The following KLHL32 variants were observed in gnomAD, a reference collection of about 807,000 sequenced individuals.
KLHL32 encodes kelch like family member 32, also known as kelch-like protein 32.
In KLHL32, 35 loss-of-function variants were observed where a neutral mutation model predicts 64.8. The observed-to-expected ratio is 0.54, with a 90% CI of 0.41 to 0.72. The LOEUF is 0.72. KLHL32 is among the 30% of genes least tolerant of loss of function. The pLI, the probability that KLHL32 is intolerant of heterozygous loss-of-function variation, is 0.00. For synonymous variants in KLHL32, 259 were observed against 281.0 expected (o/e 0.92, Z 0.78); for missense variants, 589 against 768.5 (o/e 0.77, Z 2.76).
chr6:96,945,193 T>G (rs1004997798), intron 1 of KLHL32, among the ~76,000 whole-genome samples: 2 of 152,280 alleles, frequency 1.3e-5, no homozygotes, highest in African/African-American at 2.4e-5. Context: ...CATCATCATT[T>G]AATCCTAGCA....
chr6:96,906,853 A>T, the KLHL32 span, among the ~76,000 whole-genome samples: 2 of 152,168 alleles, frequency 1.3e-5, no homozygotes, highest in Non-Finnish European at 2.9e-5. Flanking sequence ...AATCTTGTTC[A>T]CTTAGAGGTT....
In KLHL32 at chr6:97,112,449, AT is replaced by A. The variant is rs879677069; in HGVS notation, c.628-1322del. Among the ~76,000 whole-genome samples the A allele has an allele frequency of 2.2e-3, 322 of 145,850 alleles. 1 individual carries two copies. The highest frequency in any genetic ancestry group is 5.0e-3 in the African/African-American group (199 of 40,066). ...ATGAATTGTGGTTTTTTCATTGATG[AT>A]TTTTTTTTTTTCCTGAGATGGAGTC... On this transcript the variant is annotated intron_variant, in intron 6 of 10. Transcript: ENST00000369261.
At chr6:97,025,785 C>T (rs552144503) in intron 3 of KLHL32, among the ~76,000 whole-genome samples, 12 of 152,178 alleles carry the variant, frequency 7.9e-5, no homozygotes, top group Non-Finnish European at 1.3e-4. Context: ...CTTAATTTCA[C>T]TGGGTCTCAT....
intron 3 of KLHL32, among the ~76,000 whole-genome samples, chr6:96,984,567 G>T (rs1244598090): frequency 6.6e-6 from 1 of 152,102 alleles, no homozygotes; most frequent in African/African-American, 2.4e-5. Context: ...CTCCTGTATT[G>T]GGTGCATATA....
chr6:97,039,479 G>C (rs1367762440), intron 3 of KLHL32, among the ~76,000 whole-genome samples: 3 of 152,088 alleles, frequency 2.0e-5, no homozygotes, highest in African/African-American at 7.2e-5. Flanking sequence ...GCTAGTGTTA[G>C]ATCAGTAGAG....
At chr6:97,029,117 A>G (rs1281813700) in intron 3 of KLHL32, among the ~76,000 whole-genome samples, 4 of 152,218 alleles carry the variant, frequency 2.6e-5, no homozygotes, top group South Asian at 2.1e-4. Flanking sequence ...CTAAGAAACA[A>G]CTTGATTTGT....
chr6:97,066,156 T>C (rs1789709199), intron 5 of KLHL32, among the ~76,000 whole-genome samples: 1 of 152,238 alleles, frequency 6.6e-6, no homozygotes, highest in African/African-American at 2.4e-5. Flanking sequence ...TATTTGACAT[T>C]TCTACATCAA....
intron 3 of KLHL32, among the ~76,000 whole-genome samples, chr6:96,996,629 A>G (rs1778448415): frequency 6.6e-6 from 1 of 152,188 alleles, no homozygotes; most frequent in Non-Finnish European, 1.5e-5. Context: ...TAATTGGTAT[A>G]CCAGTTTTGG....
At position 97,111,035 on chromosome 6, in the gene KLHL32, G is replaced by GT. The variant is rs200032019; in HGVS notation, c.628-2748_628-2747insT. Among the ~76,000 whole-genome samples, 720 of 151,824 alleles carry GT rather than the reference G, an allele frequency of 4.7e-3. 7 individuals are homozygous for GT. Among genetic ancestry groups the GT allele is most frequent in the African/African-American group, 0.017 (699 of 41,130 alleles). On this transcript the variant is annotated intron_variant, in intron 6 of 10. Coordinates refer to ENST00000369261, the MANE Select transcript of KLHL32 (RefSeq NM_052904.4). ...AAGATACCACAGAAAAGTCTTGGGG[G>GT]GGGGGGGTCTTAGCCAACCACCTGT...
At chr6:97,036,077 A>G (rs544622518) in intron 3 of KLHL32, among the ~76,000 whole-genome samples, 15 of 152,086 alleles carry the variant, frequency 9.9e-5, no homozygotes, top group African/African-American at 3.1e-4. Flanking sequence ...CCAGTATTCA[A>G]GTTTACTAAT....
intron 7 of KLHL32, among the ~76,000 whole-genome samples, chr6:97,124,094 T>A (rs1176399200): frequency 1.3e-5 from 2 of 152,224 alleles, no homozygotes; most frequent in East Asian, 1.9e-4. Flanking sequence ...GATGCTTTTT[T>A]AAAATGTATC....
At chr6:96,930,705 C>T (rs747282817) in intron 1 of KLHL32, among the ~76,000 whole-genome samples, 1 of 152,014 alleles carries the variant, frequency 6.6e-6, no homozygotes, top group Non-Finnish European at 1.5e-5. Context: ...TGATGCAGTA[C>T]GCTGCTTAGA....
At chr6:97,017,854 G>A (rs1562247407) in intron 3 of KLHL32, among the ~76,000 whole-genome samples, 1 of 152,134 alleles carries the variant, frequency 6.6e-6, no homozygotes, top group Non-Finnish European at 1.5e-5. Context: ...CAGATGGAAT[G>A]GCAGCAGAGG....
chr6:96,930,951 A>G (rs1769801391), intron 1 of KLHL32, among the ~76,000 whole-genome samples: 1 of 152,128 alleles, frequency 6.6e-6, no homozygotes, highest in Admixed American at 6.5e-5. Context: ...TTCTCTGTAG[A>G]ATTAATAGTG....
chr6:96,952,846 G>A (rs1055502695), intron 1 of KLHL32, among the ~76,000 whole-genome samples: 1 of 152,128 alleles, frequency 6.6e-6, no homozygotes, highest in African/African-American at 2.4e-5. Flanking sequence ...GTATTCTGGT[G>A]ACCAATTGAC....
intron 4 of KLHL32, among the ~76,000 whole-genome samples, chr6:97,059,632 CT>C (rs1005040212): frequency 1.7e-3 from 265 of 152,200 alleles, no homozygotes; most frequent in African/African-American, 6.2e-3. Context: ...AATTCTTTTC[CT>C]TTAAATGGCT....
intron 6 of KLHL32, among the ~76,000 whole-genome samples, chr6:97,110,804 G>A (rs918561154): frequency 1.3e-5 from 2 of 152,212 alleles, no homozygotes; most frequent in East Asian, 1.9e-4. Context: ...TGGCTATTTC[G>A]GTGCCGGCAG....
At chr6:97,106,123 C>G (rs927347877) in intron 6 of KLHL32, among the ~76,000 whole-genome samples, 1 of 152,096 alleles carries the variant, frequency 6.6e-6, no homozygotes, top group African/African-American at 2.4e-5. Context: ...AAAACAGCAG[C>G]TTCTGTCTGA....
chr6:97,025,267 G>A (rs758207625), intron 3 of KLHL32: 10 of 366,716 alleles, frequency 2.7e-5, no homozygotes, highest in East Asian at 3.3e-4. Context: ...TTGTTGAATC[G>A]GTTGCTTTTC....
Sources: gnomAD v4.1 joint callset for allele counts (sites outside exome capture counted in the v4.1 genomes callset) on GRCh38, gnomAD v4.1.1 for gene constraint, MANE v1.5 for transcripts, NCBI Gene and HGNC (gene_info 2026-07-23, HGNC 2026-07-21) for gene names.